The following EYA1 variants were observed in gnomAD, a reference collection of about 807,000 sequenced individuals.
EYA1 encodes the protein protein phosphatase EYA1.
In EYA1, 16 loss-of-function variants were observed where a neutral mutation model predicts 82.0. That is an observed-to-expected ratio of 0.20 (90% CI 0.13 to 0.30). The LOEUF is 0.30. Among genes scored for constraint, EYA1 ranks in the 10% least tolerant of loss-of-function variants. EYA1 has a pLI of 1.00. For synonymous variants in EYA1, 261 were observed against 264.4 expected (o/e 0.99, Z 0.12); for missense variants, 633 against 730.7 (o/e 0.87, Z 1.54).
intron 2 of EYA1, among the ~76,000 whole-genome samples, chr8:71,447,194 C>T (rs1002870758): frequency 6.6e-6 from 1 of 151,916 alleles, no homozygotes; most frequent in African/African-American, 2.4e-5. Flanking sequence ...AGACCTTCCT[C>T]CTCTTTGGGG....
chr8:71,400,596 G>T (rs934354117), intron 2 of EYA1, among the ~76,000 whole-genome samples: 1 of 152,186 alleles, frequency 6.6e-6, no homozygotes, highest in African/African-American at 2.4e-5. Flanking sequence ...ATGCCATTTC[G>T]CATCAGTCAG....
chr8:71,453,876 A>C (rs1437863558), intron 2 of EYA1, among the ~76,000 whole-genome samples: 3 of 152,208 alleles, frequency 2.0e-5, no homozygotes, highest in Non-Finnish European at 4.4e-5. Context: ...TGAGCAAAAT[A>C]ACCAGCTAAC....
At chr8:71,235,550 T>C (rs1811725288) in intron 12 of EYA1, among the ~76,000 whole-genome samples, 1 of 152,138 alleles carries the variant, frequency 6.6e-6, no homozygotes, top group Non-Finnish European at 1.5e-5. Flanking sequence ...ATTCATCCCT[T>C]AGCCAATACT....
chr8:71,314,511 T>C (rs1821693652), intron 7 of EYA1, among the ~76,000 whole-genome samples: 1 of 152,218 alleles, frequency 6.6e-6, no homozygotes, highest in Admixed American at 6.5e-5. Context: ...AGAAATGTTT[T>C]GGATTTTGAA....
chr8:71,412,650 T>C (rs1298119195), intron 2 of EYA1, among the ~76,000 whole-genome samples: 1 of 152,098 alleles, frequency 6.6e-6, no homozygotes, highest in Non-Finnish European at 1.5e-5. Flanking sequence ...AATGGATACA[T>C]AGAAATTTAG....
intron 12 of EYA1, among the ~76,000 whole-genome samples, chr8:71,224,668 G>A: frequency 6.6e-6 from 1 of 152,156 alleles, no homozygotes; most frequent in East Asian, 1.9e-4. Flanking sequence ...AGCTAATTTT[G>A]TCAAGCCATT....
At chr8:71,352,862 A>T (rs1391230989) in intron 3 of EYA1, among the ~76,000 whole-genome samples, 2 of 152,204 alleles carry the variant, frequency 1.3e-5, no homozygotes, top group Non-Finnish European at 2.9e-5. Context: ...ACACAAAGCC[A>T]TCTAAGGGGG....
chr8:71,320,920 T>G (rs766214835), intron 6 of EYA1, among the ~76,000 whole-genome samples: 13 of 152,170 alleles, frequency 8.5e-5, no homozygotes, highest in African/African-American at 3.1e-4. Flanking sequence ...TTCCTCCAAG[T>G]GTCCATGTAC....
At chr8:71,208,737 GA>G (rs74571986) in intron 17 of EYA1, among the ~76,000 whole-genome samples, 69,323 of 151,250 alleles carry the variant, frequency 0.46, 18,092 homozygotes, top group East Asian at 0.76. Context: ...ATAAAAAAAA[GA>G]AAAAAAAATC....
chr8:71,377,307 T>A lies in EYA1; in HGVS notation c.34-20796A>T, dbSNP rs73684759. Among the ~76,000 whole-genome samples the A allele has an allele frequency of 1.6e-3, 247 of 152,214 alleles. 2 individuals are homozygous for A. The highest frequency in any genetic ancestry group is 5.7e-3 in the African/African-American group (237 of 41,534). On this transcript the variant is annotated intron_variant, in intron 2 of 18. Transcript: ENST00000643681. ...TACCAGATATGAAAGTGAAGCCATATTGGACATTCTAGCCCCAGCCACCAT... is the reference window on the plus strand; with the variant it reads ...TACCAGATATGAAAGTGAAGCCATAATGGACATTCTAGCCCCAGCCACCAT...
intron 2 of EYA1, among the ~76,000 whole-genome samples, chr8:71,502,016 A>C (rs1000273821): frequency 1.3e-5 from 2 of 152,206 alleles, no homozygotes; most frequent in African/African-American, 4.8e-5. Flanking sequence ...TGAGATATGC[A>C]TGTCAAAGTA....
chr8:71,251,236 G>C (rs1813708106), intron 11 of EYA1, among the ~76,000 whole-genome samples: 1 of 152,140 alleles, frequency 6.6e-6, no homozygotes, highest in South Asian at 2.1e-4. Context: ...TTCTCTGGTA[G>C]AAATTGAATA....
At chr8:71,427,436 G>T (rs1156638279) in intron 2 of EYA1, among the ~76,000 whole-genome samples, 3 of 152,178 alleles carry the variant, frequency 2.0e-5, no homozygotes, top group Non-Finnish European at 4.4e-5. Context: ...AATATATGCA[G>T]AAATAAAGAG....
intron 9 of EYA1, among the ~76,000 whole-genome samples, chr8:71,281,850 C>T (rs1563391570): frequency 6.6e-6 from 1 of 152,238 alleles, no homozygotes; most frequent in Non-Finnish European, 1.5e-5. Flanking sequence ...GCAACAAGCA[C>T]TACTTTTGGA....
Position 71,252,440 on chromosome 8 carries a change from G to A in EYA1, c.1051-7748C>T, listed in dbSNP as rs922414982. Among the ~76,000 whole-genome samples the A allele has an allele frequency of 1.2e-4, 19 of 152,068 alleles. 1 individual carries two copies. Among genetic ancestry groups the A allele is most frequent in the Non-Finnish European group, 2.8e-4 (19 of 67,974 alleles). ...AGTCATACATTCAAACTAGACTTTCGCTGTACTTACTACTCAAGGCACTTT... is the reference window on the plus strand; with the variant it reads ...AGTCATACATTCAAACTAGACTTTCACTGTACTTACTACTCAAGGCACTTT... On this transcript the variant is annotated intron_variant, in intron 11 of 17. Transcript: ENST00000340726.
intron 2 of EYA1, among the ~76,000 whole-genome samples, chr8:71,516,530 G>C (rs185683106): frequency 1.3e-5 from 2 of 152,286 alleles, no homozygotes; most frequent in African/African-American, 2.4e-5. Context: ...AACTCTGAGA[G>C]ATGGTTCAAG....
chr8:71,322,514 C>G, intron 4 of EYA1: 1 of 505,168 alleles, frequency 2.0e-6, no homozygotes, highest in Non-Finnish European at 3.6e-6. Context: ...AACGTCATCA[C>G]AATCTTCGCA....
chr8:71,274,902 G>A (rs1399930648), intron 9 of EYA1, among the ~76,000 whole-genome samples: 34 of 148,246 alleles, frequency 2.3e-4, no homozygotes, highest in Admixed American at 4.0e-4. Context: ...GAGAGAGAGA[G>A]TGAGCGAGCG....
intron 12 of EYA1, among the ~76,000 whole-genome samples, chr8:71,240,215 C>T (rs943338349): frequency 4.0e-5 from 6 of 151,784 alleles, no homozygotes; most frequent in Non-Finnish European, 8.8e-5. Context: ...TTTCCTTGGC[C>T]CTGGACTCAT....
Sources: allele counts gnomAD v4.1 joint callset (sites outside exome capture counted in the v4.1 genomes callset), GRCh38; gene constraint gnomAD v4.1.1; transcripts MANE v1.5; gene names NCBI Gene and HGNC (gene_info 2026-07-23, HGNC 2026-07-21).